Variants in PRKCA observed in about 807,000 individuals in gnomAD.
PRKCA encodes the protein protein kinase C alpha, also known as protein kinase C alpha type.
PRKCA carries 27 observed loss-of-function variants against 87.0 expected under a neutral mutation model. The observed-to-expected ratio is 0.31, with a 90% CI of 0.23 to 0.43. PRKCA has a LOEUF of 0.43. PRKCA is among the 20% of genes least tolerant of loss of function. The probability of loss-of-function intolerance (pLI) is 1.00; values close to 1 mark genes in which losing one functional copy is unlikely to be tolerated. For synonymous variants in PRKCA, 329 were observed against 311.1 expected, an observed-to-expected ratio of 1.06 and a Z score of -0.61; for missense variants, 518 against 852.3, an observed-to-expected ratio of 0.61 and a Z score of 4.88.
intron 2 of PRKCA, among the ~76,000 whole-genome samples, chr17:66,313,634 G>A (rs1432347676): frequency 6.6e-6 from 1 of 152,230 alleles, no homozygotes; most frequent in Non-Finnish European, 1.5e-5. Flanking sequence ...GTTTGGTACA[G>A]TTATTTAAAT....
At chr17:66,630,904 A>G (rs1410006167) in intron 3 of PRKCA, among the ~76,000 whole-genome samples, 1 of 152,194 alleles carries the variant, frequency 6.6e-6, no homozygotes, top group Non-Finnish European at 1.5e-5. Flanking sequence ...TTGTGTTATT[A>G]TTTAAAATAT....
At chr17:66,437,677 T>C in intron 2 of PRKCA, among the ~76,000 whole-genome samples, 1 of 137,696 alleles carries the variant, frequency 7.3e-6, no homozygotes, top group Admixed American at 8.2e-5. Context: ...TGAGTCAGGA[T>C]GCTGTGGGTC....
At chr17:66,417,202 G>A (rs1164719463) in intron 2 of PRKCA, among the ~76,000 whole-genome samples, 3 of 151,276 alleles carry the variant, frequency 2.0e-5, no homozygotes, top group East Asian at 2.0e-4. Flanking sequence ...GCCCAGCCTG[G>A]CCTTTTTTTT....
At chr17:66,708,209 T>A (rs1364118801) in intron 8 of PRKCA, among the ~76,000 whole-genome samples, 1 of 152,152 alleles carries the variant, frequency 6.6e-6, no homozygotes, top group Non-Finnish European at 1.5e-5. Context: ...CTGTCGTGTC[T>A]TCAGCACTTA....
chr17:66,349,786 G>A (rs1229547120), intron 2 of PRKCA, among the ~76,000 whole-genome samples: 1 of 152,110 alleles, frequency 6.6e-6, no homozygotes, highest in East Asian at 1.9e-4. Context: ...GGCTTTGATT[G>A]AGTGTTAGGT....
At chr17:66,729,777 A>ATTTTT (rs1973840673) in intron 8 of PRKCA, among the ~76,000 whole-genome samples, 1 of 81,042 alleles carries the variant, frequency 1.2e-5, no homozygotes, top group African/African-American at 5.2e-5. Context: ...TGAGCGAGTT[A>ATTTTT]TTCTTTTTTT....
chr17:66,798,471 T>TGACGGTGGTGACGGTGGTGAC (rs1598953267), intron 16 of PRKCA, among the ~76,000 whole-genome samples: 1 of 38,606 alleles, frequency 2.6e-5, no homozygotes, highest in African/African-American at 2.5e-4. Context: ...GTGGTGGTGG[T>TGACGGTGGTGACGGTGGTGAC]GGTGGTGGTG....
chr17:66,798,183 T>C (rs149993620), intron 16 of PRKCA, among the ~76,000 whole-genome samples: 45 of 152,324 alleles, frequency 3.0e-4, no homozygotes, highest in Non-Finnish European at 5.9e-4. Context: ...TCTTTGCTTC[T>C]TCTTGCTCCC....
intron 2 of PRKCA, among the ~76,000 whole-genome samples, chr17:66,351,311 AT>A (rs1203223577): frequency 6.6e-6 from 1 of 152,122 alleles, no homozygotes; most frequent in Non-Finnish European, 1.5e-5. Flanking sequence ...GCTAGTGGCT[AT>A]TACCTAAACT....
chr17:66,476,779 T>C (rs1915552402), intron 2 of PRKCA, among the ~76,000 whole-genome samples: 1 of 152,208 alleles, frequency 6.6e-6, no homozygotes, highest in Non-Finnish European at 1.5e-5. Context: ...TCCCTCAGTC[T>C]TGTTGCAAGT....
At chr17:66,747,425 A>G (rs772962969) in intron 13 of PRKCA, among the ~76,000 whole-genome samples, 5 of 152,186 alleles carry the variant, frequency 3.3e-5, no homozygotes, top group Non-Finnish European at 7.3e-5. Context: ...CAGCATCGCT[A>G]TGGCGGGGGC....
At chr17:66,577,610 T>G (rs529596878) in intron 3 of PRKCA, among the ~76,000 whole-genome samples, 1 of 152,340 alleles carries the variant, frequency 6.6e-6, no homozygotes, top group South Asian at 2.1e-4. Context: ...CGGCTCTGGT[T>G]ACGTCTTGGA....
intron 5 of PRKCA, among the ~76,000 whole-genome samples, chr17:66,667,690 A>G (rs1422330858): frequency 1.3e-5 from 2 of 152,202 alleles, no homozygotes; most frequent in East Asian, 1.9e-4. Flanking sequence ...CAAGTTAACA[A>G]CATGAAAGCA....
chr17:66,607,760 C>T (rs1362923251), intron 3 of PRKCA, among the ~76,000 whole-genome samples: 1 of 152,072 alleles, frequency 6.6e-6, no homozygotes, highest in Non-Finnish European at 1.5e-5. Context: ...AAGTCAGATT[C>T]CAACGTGCAG....
chr17:66,734,254 A>G lies in PRKCA; in HGVS notation c.1057-1235A>G, dbSNP rs559647223. 2.9e-4 allele frequency among the ~76,000 whole-genome samples: 44 copies of G among 152,362 alleles called. No individual in the cohort carries two copies. In the South Asian group the frequency reaches 8.5e-3, roughly 29 times the overall value. ...AAGTCAGTTTGTTAGAGAAGTAAAGAAATGAAAGAACAGCTACTCCATAGG... is the reference window on the plus strand; with the variant it reads ...AAGTCAGTTTGTTAGAGAAGTAAAGGAATGAAAGAACAGCTACTCCATAGG... On this transcript the variant is annotated intron_variant, in intron 9 of 16. Coordinates refer to ENST00000413366, the MANE Select transcript of PRKCA (RefSeq NM_002737.3).
In PRKCA at chr17:66,623,098, A is replaced by G. The variant is rs1042017469; in HGVS notation, c.289-18257A>G. ...TTTTCTTCTCTATCTTCCACTGGTC[A>G]TTTCTTTGGTAAAAGAAGTTGAATT... On this transcript the variant is annotated intron_variant, in intron 3 of 16. Coordinates refer to ENST00000413366, the MANE Select transcript of PRKCA (RefSeq NM_002737.3). Among the ~76,000 whole-genome samples the G allele has an allele frequency of 2.0e-5, 3 of 152,230 alleles. No individual in the cohort carries two copies. In the East Asian group the frequency reaches 5.8e-4, roughly 29 times the overall value.
chr17:66,409,417 A>G (rs1390006791), intron 2 of PRKCA, among the ~76,000 whole-genome samples: 1 of 152,162 alleles, frequency 6.6e-6, no homozygotes, highest in Non-Finnish European at 1.5e-5. Flanking sequence ...AGCATTTATG[A>G]TAGATTATTT....
At chr17:66,654,059 A>AT (rs1444544698) in intron 5 of PRKCA, among the ~76,000 whole-genome samples, 2 of 152,166 alleles carry the variant, frequency 1.3e-5, no homozygotes, top group Non-Finnish European at 2.9e-5. Flanking sequence ...TCTTTTGTAG[A>AT]TGGAGAAGTA....
chr17:66,388,110 C>G (rs1430551743), intron 2 of PRKCA, among the ~76,000 whole-genome samples: 2 of 151,982 alleles, frequency 1.3e-5, no homozygotes, highest in African/African-American at 4.8e-5. Context: ...GTAGATAGAT[C>G]CAGGAATGGC....
Sources: gnomAD v4.1 joint callset for allele counts (sites outside exome capture counted in the v4.1 genomes callset) on GRCh38, gnomAD v4.1.1 for gene constraint, MANE v1.5 for transcripts, NCBI Gene and HGNC (gene_info 2026-07-23, HGNC 2026-07-21) for gene names.